Variants in MORN4 observed in about 807,000 individuals in gnomAD.
The protein encoded by MORN4 is MORN repeat-containing protein 4.
In MORN4, 8 loss-of-function variants were observed where a neutral mutation model predicts 16.4. The observed-to-expected ratio is 0.49, with a 90% confidence interval of 0.29 to 0.88. The LOEUF (loss-of-function observed/expected upper bound fraction) is 0.88, where lower values mean the gene tolerates loss of function less well. MORN4 is among the 40% of genes least tolerant of loss of function. The pLI, the probability that MORN4 is intolerant of heterozygous loss-of-function variation, is 0.09. For missense variants in MORN4, 159 were observed against 182.9 expected (o/e 0.87, Z 0.75); for synonymous variants, 53 against 68.9 (o/e 0.77, Z 1.14).
intron 1 of MORN4, among the ~76,000 whole-genome samples, chr10:97,624,944 C>T (rs1306570958): frequency 2.0e-5 from 3 of 152,094 alleles, no homozygotes; most frequent in South Asian, 4.1e-4. Context: ...CCACCTGCCG[C>T]GGCCTCCCAA....
intron 1 of MORN4, among the ~76,000 whole-genome samples, chr10:97,626,066 C>CTT (rs74855674): frequency 0.17 from 24,129 of 140,564 alleles, 2,208 homozygotes; most frequent in Non-Finnish European, 0.21. Flanking sequence ...AGCCTCATGC[C>CTT]TTTTTTTTTT....
intron 1 of MORN4, among the ~76,000 whole-genome samples, chr10:97,627,486 G>A (rs1250337002): frequency 6.6e-6 from 1 of 152,102 alleles, no homozygotes; most frequent in Non-Finnish European, 1.5e-5. Flanking sequence ...GCCCAGAAAT[G>A]GTCTAATGTG....
intron 1 of MORN4, among the ~76,000 whole-genome samples, chr10:97,622,470 G>C (rs1425466716): frequency 6.6e-6 from 1 of 151,982 alleles, no homozygotes; most frequent in Non-Finnish European, 1.5e-5. Context: ...CGGACCACTT[G>C]AGCTCAGGAG....
chr10:97,619,672 A>T lies in MORN4; in HGVS notation c.-19T>A, dbSNP rs2041271061. The T allele has an allele frequency of 6.2e-7, 1 of 1,613,156 alleles. No homozygotes were observed. Among genetic ancestry groups the T allele is most frequent in the African/African-American group, 1.3e-5 (1 of 74,924 alleles). On this transcript the variant is annotated 5_prime_UTR_variant, in exon 2 of 5. Transcript: ENST00000307450. ...GGGTCATGGTGACAGATTACAGGATAAAAGGATGAAACTGTAGGAAATAAG... is the reference window on the plus strand; with the variant it reads ...GGGTCATGGTGACAGATTACAGGATTAAAGGATGAAACTGTAGGAAATAAG...
chr10:97,629,124 A>T lies in MORN4; in HGVS notation c.-31+4223T>A, dbSNP rs1210586391. On this transcript the variant is annotated intron_variant, in intron 1 of 4. Transcript: ENST00000307450. ...TGGTGTGGGCCGGGCGTGGTGGCTCATGCCTGTAATCCTAGCATTTTGGGA... is the reference window on the plus strand; with the variant it reads ...TGGTGTGGGCCGGGCGTGGTGGCTCTTGCCTGTAATCCTAGCATTTTGGGA... Among the ~76,000 whole-genome samples the T allele has an allele frequency of 2.6e-5, 4 of 152,100 alleles. No individual in the cohort carries two copies. The East Asian group carries it at 5.8e-4, about 22-fold the overall frequency.
At chr10:97,618,858 T>C (rs1338333121) in intron 2 of MORN4, among the ~76,000 whole-genome samples, 1 of 151,036 alleles carries the variant, frequency 6.6e-6, no homozygotes. Context: ...GGCTGCCTGC[T>C]GTGTTTGCCT....
At chr10:97,620,090 T>G (rs924653768) in intron 1 of MORN4, among the ~76,000 whole-genome samples, 2 of 152,084 alleles carry the variant, frequency 1.3e-5, no homozygotes, top group Non-Finnish European at 2.9e-5. Flanking sequence ...TGTGATTAAG[T>G]GCCAACTTGG....
At chr10:97,626,457 CTT>C (rs531941467) in intron 1 of MORN4, among the ~76,000 whole-genome samples, 1 of 142,444 alleles carries the variant, frequency 7.0e-6, no homozygotes. Context: ...TGTTCTCTCT[CTT>C]TTTTTTTTTT....
At chr10:97,630,026 G>A (rs1364050336) in intron 1 of MORN4, among the ~76,000 whole-genome samples, 3 of 150,634 alleles carry the variant, frequency 2.0e-5, no homozygotes, top group Non-Finnish European at 1.5e-5. Flanking sequence ...CCAGGTTCTC[G>A]CCATTCTCCT....
Position 97,633,252 on chromosome 10 carries a change from C to T in MORN4, c.-31+95G>A, listed in dbSNP as rs2135745699. ...TCAGCGTATCCGAGGTGGAGCCGCG[C>T]CCCCGAGCCGGGTCATCTCGTGCTC... is the stretch of plus-strand genomic sequence containing the variant. On this transcript the variant is annotated intron_variant, in intron 1 of 4. Coordinates refer to ENST00000307450, the MANE Select transcript of MORN4 (RefSeq NM_178832.4). This position sits in a 1 kb window ranked among gnomAD's most constrained non-coding sequence, Gnocchi z 4.5. 1 of 1,227,936 alleles carries T rather than the reference C, an allele frequency of 8.1e-7. No individual in the cohort carries two copies. The highest frequency in any genetic ancestry group is 1.1e-6 in the Non-Finnish European group (1 of 951,014). The allele number at this position is 1,227,936 out of a possible 1,614,324, so 76.1% of individuals were successfully genotyped here.
chr10:97,634,005 C>T (rs1669116960), upstream of MORN4, among the ~76,000 whole-genome samples: 1 of 152,142 alleles, frequency 6.6e-6, no homozygotes, highest in Non-Finnish European at 1.5e-5. Flanking sequence ...AATATAGTAC[C>T]TGGCCAGGCG....
At chr10:97,620,419 C>T (rs371523818) in intron 1 of MORN4, among the ~76,000 whole-genome samples, 5 of 133,666 alleles carry the variant, frequency 3.7e-5, no homozygotes, top group Admixed American at 8.8e-5. Context: ...ACCCGGGAGG[C>T]GGAGGTTGTA....
At chr10:97,626,431 A>C (rs2041348036) in intron 1 of MORN4, among the ~76,000 whole-genome samples, 1 of 136,488 alleles carries the variant, frequency 7.3e-6, no homozygotes, top group African/African-American at 2.6e-5. Context: ...TCATAATCAT[A>C]ATATGTTCTG....
chr10:97,616,451 A>G (rs1462001875), intron 4 of MORN4, 40 bp from the exon 5 acceptor site: 2 of 1,559,872 alleles, frequency 1.3e-6, no homozygotes, highest in Non-Finnish European at 8.7e-7. Context: ...TGACAATGGC[A>G]TTAATGTCTC....
intron 2 of MORN4, among the ~76,000 whole-genome samples, chr10:97,618,258 CTTTTTTTTTTTT>C (rs1192502394): frequency 3.2e-5 from 3 of 92,820 alleles, no homozygotes; most frequent in African/African-American, 1.3e-4. Flanking sequence ...AGCCTCTCTT[CTTTTTTTTTTTT>C]TTTTTTTTTT....
intron 1 of MORN4, among the ~76,000 whole-genome samples, chr10:97,627,183 AC>A (rs1300735765): frequency 5.3e-5 from 8 of 150,928 alleles, no homozygotes; most frequent in African/African-American, 2.0e-4. Context: ...TCACTCTGTC[AC>A]CCAGGTGGAA....
chr10:97,629,647 A>G (rs2041377682), intron 1 of MORN4, among the ~76,000 whole-genome samples: 1 of 152,166 alleles, frequency 6.6e-6, no homozygotes, highest in African/African-American at 2.4e-5. Flanking sequence ...TCAGCCATTG[A>G]GCCTGCATTC....
intron 2 of MORN4, among the ~76,000 whole-genome samples, chr10:97,619,080 T>C (rs2041265059): frequency 6.6e-6 from 1 of 152,162 alleles, no homozygotes; most frequent in Non-Finnish European, 1.5e-5. Flanking sequence ...ATCCCAGCAC[T>C]TGGGGAGGCC....
At chr10:97,623,999 G>A (rs1264042869) in intron 1 of MORN4, among the ~76,000 whole-genome samples, 1 of 152,018 alleles carries the variant, frequency 6.6e-6, no homozygotes, top group Non-Finnish European at 1.5e-5. Flanking sequence ...GCCTCCCAAA[G>A]TGCTGGGATT....
Sources: gnomAD v4.1 joint callset for allele counts (sites outside exome capture counted in the v4.1 genomes callset) on GRCh38, gnomAD v4.1.1 for gene constraint, Gnocchi (gnomAD v3.1) non-coding constraint, MANE v1.5 for transcripts, NCBI Gene and HGNC (gene_info 2026-07-23, HGNC 2026-07-21) for gene names.